PRKG1: variants seen among roughly 807,000 people sequenced by gnomAD.
PRKG1 encodes the protein protein kinase cGMP-dependent 1, also known as cGMP-dependent protein kinase 1.
Under a neutral mutation model 88.1 loss-of-function variants are expected in PRKG1, and 35 were observed. The ratio of observed to expected loss-of-function variants is 0.40; its 90% CI spans 0.30 to 0.53. The LOEUF is 0.53. Ranked by LOEUF, PRKG1 falls within the 20% of genes least tolerant of loss-of-function variation. The pLI, the probability that PRKG1 is intolerant of heterozygous loss-of-function variation, is 0.59. For missense variants in PRKG1, 540 were observed against 839.8 expected, an observed-to-expected ratio of 0.64 and a Z score of 4.41; for synonymous variants, 303 against 292.5, an observed-to-expected ratio of 1.04 and a Z score of -0.37.
intron 3 of PRKG1, among the ~76,000 whole-genome samples, chr10:51,671,496 A>G (rs1215106937): frequency 6.6e-6 from 1 of 151,870 alleles, no homozygotes; most frequent in Non-Finnish European, 1.5e-5. Context: ...TGGCTTGTAG[A>G]TGCATCACTT....
intron 1 of PRKG1, among the ~76,000 whole-genome samples, chr10:51,127,030 A>G (rs964641108): frequency 1.3e-5 from 2 of 152,216 alleles, no homozygotes; most frequent in African/African-American, 4.8e-5. Context: ...CCTAGGCAAT[A>G]CCGTTCAAGA....
intron 3 of PRKG1, among the ~76,000 whole-genome samples, chr10:51,722,019 C>T (rs1418882369): frequency 6.6e-6 from 1 of 152,158 alleles, no homozygotes; most frequent in Non-Finnish European, 1.5e-5. Context: ...CTCAAGAGGT[C>T]AGGAGTTCAA....
intron 3 of PRKG1, among the ~76,000 whole-genome samples, chr10:51,514,675 A>G (rs751858214): frequency 2.0e-4 from 31 of 152,236 alleles, no homozygotes; most frequent in Non-Finnish European, 2.9e-4. Flanking sequence ...ACCGAAGTCA[A>G]TAAGGAGAAG....
intron 2 of PRKG1, among the ~76,000 whole-genome samples, chr10:51,205,145 T>C (rs1838021252): frequency 8.6e-6 from 1 of 116,832 alleles, no homozygotes; most frequent in African/African-American, 3.4e-5. Context: ...TTTTTTTTTT[T>C]TTTTTTTTTT....
intron 3 of PRKG1, among the ~76,000 whole-genome samples, chr10:51,605,340 G>A (rs1006462166): frequency 7.2e-5 from 11 of 152,148 alleles, no homozygotes; most frequent in African/African-American, 2.2e-4. Flanking sequence ...GCACAGGCCC[G>A]AGGGTGGGGC....
At chr10:51,127,152 A>T (rs1222640662) in intron 1 of PRKG1, among the ~76,000 whole-genome samples, 1 of 152,170 alleles carries the variant, frequency 6.6e-6, no homozygotes, top group Non-Finnish European at 1.5e-5. Flanking sequence ...CGGCAAAATA[A>T]ATTATCATCA....
At chr10:51,338,850 T>G (rs1841939393) in intron 2 of PRKG1, among the ~76,000 whole-genome samples, 1 of 152,184 alleles carries the variant, frequency 6.6e-6, no homozygotes, top group South Asian at 2.1e-4. Flanking sequence ...TGTCAAATGA[T>G]TTTCACAGAA....
chr10:51,367,894 A>T (rs879704059), intron 2 of PRKG1, among the ~76,000 whole-genome samples: 6 of 151,934 alleles, frequency 3.9e-5, no homozygotes, highest in Non-Finnish European at 7.4e-5. Flanking sequence ...TCCTTAATTT[A>T]CATTGCTTAT....
At chr10:51,620,960 T>C (rs528939145) in intron 3 of PRKG1, among the ~76,000 whole-genome samples, 22 of 149,632 alleles carry the variant, frequency 1.5e-4, no homozygotes, top group Non-Finnish European at 3.1e-4. Context: ...TCAACTATTA[T>C]GTTAAACTGA....
intron 1 of PRKG1, among the ~76,000 whole-genome samples, chr10:51,127,502 T>C (rs1845461588): frequency 6.6e-6 from 1 of 152,180 alleles, no homozygotes; most frequent in Admixed American, 6.5e-5. Context: ...ACTTTTACAC[T>C]GTTGGTAGGA....
chr10:51,066,835 T>TC, intron 1 of PRKG1, among the ~76,000 whole-genome samples: 1 of 152,232 alleles, frequency 6.6e-6, no homozygotes, highest in African/African-American at 2.4e-5. Flanking sequence ...AAACCCTTTT[T>TC]CATTACATTT....
intron 8 of PRKG1, among the ~76,000 whole-genome samples, chr10:52,140,085 G>T (rs1417266711): frequency 6.6e-6 from 1 of 152,058 alleles, no homozygotes; most frequent in Non-Finnish European, 1.5e-5. Context: ...ATTTGATTTA[G>T]TTCTCATCAT....
intron 5 of PRKG1, among the ~76,000 whole-genome samples, chr10:51,932,757 C>T (rs1842721035): frequency 6.6e-6 from 1 of 152,080 alleles, no homozygotes; most frequent in South Asian, 2.1e-4. Context: ...TGTAGCTTTA[C>T]AATTTCTGTT....
chr10:51,133,270 C>T (rs1564613023), intron 1 of PRKG1, among the ~76,000 whole-genome samples: 1 of 152,198 alleles, frequency 6.6e-6, no homozygotes, highest in Non-Finnish European at 1.5e-5. Context: ...AGCAGCTAGT[C>T]TTCACCAGGA....
chr10:51,766,124 A>T (rs1838155385), intron 3 of PRKG1, among the ~76,000 whole-genome samples: 1 of 152,122 alleles, frequency 6.6e-6, no homozygotes, highest in Admixed American at 6.6e-5. Flanking sequence ...AGGAGCTCAG[A>T]CACCAAGGGT....
At chr10:51,081,470 A>C (rs1844108963) in intron 1 of PRKG1, among the ~76,000 whole-genome samples, 1 of 152,238 alleles carries the variant, frequency 6.6e-6, no homozygotes, top group Non-Finnish European at 1.5e-5. Flanking sequence ...AGGGAGCTAT[A>C]CTGAAGATAG....
At chr10:51,036,508 G>A (rs1843356111) in intron 1 of PRKG1, among the ~76,000 whole-genome samples, 1 of 152,058 alleles carries the variant, frequency 6.6e-6, no homozygotes, top group Non-Finnish European at 1.5e-5. Flanking sequence ...CTGAGACTGG[G>A]AGCTGAGGGG....
At chr10:52,275,189 G>C (rs1041591187) in intron 12 of PRKG1, among the ~76,000 whole-genome samples, 1 of 152,036 alleles carries the variant, frequency 6.6e-6, no homozygotes, top group Non-Finnish European at 1.5e-5. Context: ...AGTTAAACTA[G>C]GTCCCAGCTA....
In PRKG1 at chr10:51,171,268, T is replaced by G. The variant is rs115294203; in HGVS notation, c.478+17938T>G. Among the ~76,000 whole-genome samples, 360 of 152,260 alleles carry G rather than the reference T, an allele frequency of 2.4e-3. 1 individual carries two copies. Among genetic ancestry groups the G allele is most frequent in the African/African-American group, 8.2e-3 (342 of 41,544 alleles). On this transcript the variant is annotated intron_variant, in intron 2 of 17. Transcript: ENST00000373980. The stretch of plus-strand genomic sequence containing the variant: ...CTCTCAGGGAATACCTAGGGTACAG[T>G]AATAATCGTGTGCTTATTTATTGTA...
Sources: gnomAD v4.1 joint callset for allele counts (sites outside exome capture counted in the v4.1 genomes callset) on GRCh38, gnomAD v4.1.1 for gene constraint, MANE v1.5 for transcripts, NCBI Gene and HGNC (gene_info 2026-07-23, HGNC 2026-07-21) for gene names.